The following SRRM3 variants were observed in gnomAD, a reference collection of about 807,000 sequenced individuals.
SRRM3 encodes the protein serine/arginine repetitive matrix protein 3.
In SRRM3, 27 loss-of-function variants were observed where a neutral mutation model predicts 66.2. The ratio of observed to expected loss-of-function variants is 0.41; its 90% CI spans 0.30 to 0.56. The LOEUF (loss-of-function observed/expected upper bound fraction) is 0.56, where lower values mean the gene tolerates loss of function less well. Among genes scored for constraint, SRRM3 ranks in the 20% least tolerant of loss-of-function variants. The pLI, the probability that SRRM3 is intolerant of heterozygous loss-of-function variation, is 0.32. For synonymous variants in SRRM3, 391 were observed against 414.9 expected, an observed-to-expected ratio of 0.94 and a Z score of 0.70; for missense variants, 918 against 991.9, an observed-to-expected ratio of 0.93 and a Z score of 1.00.
At chr7:76,253,252 C>T (rs1458052127) in intron 3 of SRRM3, among the ~76,000 whole-genome samples, 5 of 151,976 alleles carry the variant, frequency 3.3e-5, no homozygotes, top group African/African-American at 7.2e-5. Context: ...TTTGGGAGGC[C>T]GAGGTGGGTG....
chr7:76,282,928 G>C (rs1037348798), intron 13 of SRRM3, 36 bp from the exon 14 acceptor site: 1 of 1,311,790 alleles, frequency 7.6e-7, no homozygotes, highest in Middle Eastern at 2.9e-4. Flanking sequence ...GAGCGGCCGG[G>C]CCGCGTCGCT....
At chr7:76,245,099 G>A (rs1297476805) in intron 2 of SRRM3, among the ~76,000 whole-genome samples, 5 of 152,224 alleles carry the variant, frequency 3.3e-5, no homozygotes, top group Non-Finnish European at 7.3e-5. Context: ...GCGATGGGGG[G>A]AGGCATCCAT....
Position 76,259,985 on chromosome 7 carries a change from G to C in SRRM3, c.415G>C (p.Val139Leu), listed in dbSNP as rs1554608301. ...YAPFDDDDGP[V>L]DCDCPASCYR... is the part of the protein sequence containing the mutation. ...GCCCTTTGACGATGACGACGGCCCA[G>C]TGGACTGTGACTGCCCGGCCTCCTG... Residue 139 changes from valine to leucine, a missense_variant, in exon 4 of 15, where the codon GTG becomes CTG. Coordinates refer to ENST00000611745, the MANE Select transcript of SRRM3 (RefSeq NM_001110199.3). 6.3e-7 allele frequency: 1 copy of C among 1,598,584 alleles called. No individual in the cohort carries two copies. Among genetic ancestry groups the C allele is most frequent in the Non-Finnish European group, 8.5e-7 (1 of 1,177,982 alleles).
intron 2 of SRRM3, among the ~76,000 whole-genome samples, chr7:76,240,252 C>T (rs1055651132): frequency 4.0e-5 from 6 of 151,810 alleles, no homozygotes; most frequent in East Asian, 1.9e-4. Context: ...GGGAGGCTGA[C>T]GTGAGAGAAT....
At position 76,282,692 on chromosome 7, in the gene SRRM3, C is replaced by T. The variant is rs782574675; in HGVS notation, c.1415C>T (p.Pro472Leu). 177 of 1,421,050 alleles carry T rather than the reference C, an allele frequency of 1.2e-4. 1 individual carries two copies. Among genetic ancestry groups the T allele is most frequent in the Middle Eastern group, 1.0e-3 (4 of 3,998 alleles). The allele number at this position is 1,421,050 out of a possible 1,614,324, so 88.0% of individuals were successfully genotyped here. A position where few individuals can be genotyped will look rare whatever the true frequency, so the allele number is the denominator to read the frequency against. Residue 472 changes from proline to leucine, a missense_variant, in exon 13 of 15, where the codon CCG becomes CTG. Pro to Leu is a moderately conservative substitution (Grantham distance 98). Coordinates refer to ENST00000611745, the MANE Select transcript of SRRM3 (RefSeq NM_001110199.3). Reference sequence around the variant, plus strand: ...CGCGCGCGGCCCGCCAGCACCTCTCCGTCCCCGGGCGCGCACGGCCGGCGC... The same window carrying T: ...CGCGCGCGGCCCGCCAGCACCTCTCTGTCCCCGGGCGCGCACGGCCGGCGC... ...PPRARPASTS[P>L]SPGAHGRRGG...
intron 1 of SRRM3, among the ~76,000 whole-genome samples, chr7:76,229,939 T>G (rs1169548268): frequency 2.0e-5 from 3 of 152,078 alleles, no homozygotes; most frequent in African/African-American, 4.8e-5. Context: ...AGACGGGGTT[T>G]CACCATGTTG....
intron 3 of SRRM3, among the ~76,000 whole-genome samples, chr7:76,258,778 C>T (rs1801783157): frequency 1.3e-5 from 2 of 150,324 alleles, no homozygotes; most frequent in Non-Finnish European, 3.0e-5. Context: ...TAGAGTTCGC[C>T]GTGCGCGGTG....
rs1554608405 is a variant in SRRM3, at chr7:76,260,180, C to A, written c.528C>A (p.Gly176=). 2 of 1,539,140 alleles carry A rather than the reference C, an allele frequency of 1.3e-6. No homozygotes were observed. Among genetic ancestry groups the A allele is most frequent in the Admixed American group, 2.0e-5 (1 of 50,082 alleles). ...PPPKKKKKKK[G]GHRRSRKKRR... is the part of the protein sequence containing the mutation. The stretch of plus-strand genomic sequence containing the variant: ...CCAAGAAAAAGAAGAAAAAGAAAGG[C>A]GGCCACCGGAGAAGCCGGTGAGAAC... Residue 176 remains glycine, a synonymous_variant, in exon 5 of 15, where the codon GGC becomes GGA. Transcript: ENST00000611745.
At chr7:76,269,221 C>CT (rs1554610189) in intron 11 of SRRM3, 5 of 152,254 alleles carry the variant, frequency 3.3e-5, no homozygotes. Flanking sequence ...GCATGGGACT[C>CT]TAGTTTGGCA....
intron 1 of SRRM3, among the ~76,000 whole-genome samples, chr7:76,212,813 G>T (rs548457074): frequency 6.6e-6 from 1 of 152,110 alleles, no homozygotes; most frequent in East Asian, 1.9e-4. Flanking sequence ...GTACACACTA[G>T]AGTTGAGAAC....
intron 2 of SRRM3, among the ~76,000 whole-genome samples, chr7:76,242,102 C>T (rs1402598346): frequency 1.3e-5 from 2 of 152,104 alleles, no homozygotes; most frequent in Admixed American, 1.3e-4. Context: ...GGAGAGACAC[C>T]CCAGACTCCT....
chr7:76,212,088 A>T (rs1800447318), intron 1 of SRRM3, among the ~76,000 whole-genome samples: 1 of 151,166 alleles, frequency 6.6e-6, no homozygotes, highest in Non-Finnish European at 1.5e-5. Flanking sequence ...TCCTGGCCTC[A>T]AGTGATTCTC....
intron 11 of SRRM3, among the ~76,000 whole-genome samples, chr7:76,271,640 C>G (rs1554610532): frequency 3.3e-5 from 5 of 152,144 alleles, no homozygotes; most frequent in Admixed American, 2.6e-4. Flanking sequence ...AAGACCCTGT[C>G]TCAAAACAAA....
rs1317334294 is a variant in SRRM3 at position 76,248,288 on chromosome 7, A to G, written c.334A>G (p.Ile112Val). 6.2e-7 allele frequency: 1 copy of G among 1,611,460 alleles called. No individual in the cohort carries two copies. Among genetic ancestry groups the G allele is most frequent in the African/African-American group, 1.3e-5 (1 of 74,876 alleles). The change falls in exon 3 of 15, where the codon ATT becomes GTT. Residue 112 changes from isoleucine (I) to valine (V), a missense_variant and splice_region_variant. Physicochemically the swap from Ile to Val is conservative, Grantham distance 29. Coordinates refer to ENST00000611745, the MANE Select transcript of SRRM3 (RefSeq NM_001110199.3). The stretch of plus-strand genomic sequence containing the variant: ...CAGGGAGGACCGGCCTGGGGGCCAC[A>G]TGTGAGTGCTTACCTGTGTGGGGAT... The part of the protein sequence containing the change: ...LTREDRPGGH[I>V]VAETPRLTEG...
At chr7:76,280,107 A>G (rs2117111005) in intron 11 of SRRM3, among the ~76,000 whole-genome samples, 1 of 151,594 alleles carries the variant, frequency 6.6e-6, no homozygotes, top group African/African-American at 2.4e-5. Context: ...GGACTTAAAA[A>G]TCAGAACTTA....
At chr7:76,240,136 A>G (rs2117009161) in intron 2 of SRRM3, among the ~76,000 whole-genome samples, 1 of 152,098 alleles carries the variant, frequency 6.6e-6, no homozygotes, top group African/African-American at 2.4e-5. Flanking sequence ...ATTGCAATCC[A>G]GCCTGGGCAA....
At chr7:76,233,057 C>T (rs1327002019) in intron 1 of SRRM3, among the ~76,000 whole-genome samples, 1 of 152,106 alleles carries the variant, frequency 6.6e-6, no homozygotes, top group Admixed American at 6.6e-5. Flanking sequence ...AATCTCAGTA[C>T]TTTGGGAGGC....
Position 76,282,761 on chromosome 7 carries a change from A to G in SRRM3, c.1484A>G (p.His495Arg), listed in dbSNP as rs1554612154. The change falls in exon 13 of 15, where the codon CAC becomes CGC. Residue 495 changes from histidine to arginine, a missense_variant. Coordinates refer to ENST00000611745, the MANE Select transcript of SRRM3 (RefSeq NM_001110199.3). ...AGCTCGTCGCGCAGCCCCGGCCCGC[A>G]CCCCCGCTCCTGGAGCTCCAGCCGC... ...GKSSSRSPGP[H>R]PRSWSSSRSP... is the part of the protein sequence containing the mutation. The G allele has an allele frequency of 6.8e-7, 1 of 1,463,474 alleles. No homozygotes were observed. Among genetic ancestry groups the G allele is most frequent in the Admixed American group, 2.4e-5 (1 of 41,050 alleles). 90.7% of individuals were successfully genotyped at this position (1,463,474 alleles called of 1,614,324 possible).
intron 11 of SRRM3, among the ~76,000 whole-genome samples, chr7:76,270,216 G>A (rs573285191): frequency 5.9e-5 from 9 of 152,138 alleles, no homozygotes; most frequent in African/African-American, 9.7e-5. Flanking sequence ...GCTACTCCTC[G>A]GTTCAGTTTA....
Sources: allele counts gnomAD v4.1 joint callset (sites outside exome capture counted in the v4.1 genomes callset), GRCh38; gene constraint gnomAD v4.1.1; transcripts MANE v1.5; gene names NCBI Gene and HGNC (gene_info 2026-07-23, HGNC 2026-07-21).